Variants in MARCHF6 observed in about 807,000 individuals in gnomAD.
The protein encoded by MARCHF6 is E3 ubiquitin-protein ligase MARCHF6.
A neutral mutation model predicts 133.7 loss-of-function variants in MARCHF6; 31 were observed. That is an observed-to-expected ratio of 0.23 (90% CI 0.17 to 0.31). The LOEUF (loss-of-function observed/expected upper bound fraction) is 0.31, where lower values mean the gene tolerates loss of function less well. Ranked by LOEUF, MARCHF6 falls within the 10% of genes least tolerant of loss-of-function variation. The pLI, the probability that MARCHF6 is intolerant of heterozygous loss-of-function variation, is 1.00. For synonymous variants in MARCHF6, 395 were observed against 402.5 expected, an observed-to-expected ratio of 0.98 and a Z score of 0.22; for missense variants, 723 against 1,121.6, an observed-to-expected ratio of 0.64 and a Z score of 5.08.
intron 1 of MARCHF6, among the ~76,000 whole-genome samples, chr5:10,362,968 C>G (rs1735917084): frequency 6.6e-6 from 1 of 151,872 alleles, no homozygotes; most frequent in Non-Finnish European, 1.5e-5. Context: ...ACAAATGGCA[C>G]TGGAATAGTT....
chr5:10,421,428 G>C (rs981189687), intron 22 of MARCHF6, among the ~76,000 whole-genome samples: 1 of 152,202 alleles, frequency 6.6e-6, no homozygotes, highest in Non-Finnish European at 1.5e-5. Flanking sequence ...AATGTGCAGC[G>C]TGCTATCCTT....
intron 1 of MARCHF6, among the ~76,000 whole-genome samples, chr5:10,354,387 C>A (rs76259108): frequency 6.6e-6 from 1 of 152,178 alleles, no homozygotes; most frequent in East Asian, 1.9e-4. Flanking sequence ...AAATACCCCG[C>A]CAGATGACGG....
At chr5:10,355,062 G>A (rs542129533) in intron 1 of MARCHF6, among the ~76,000 whole-genome samples, 1 of 152,280 alleles carries the variant, frequency 6.6e-6, no homozygotes, top group South Asian at 2.1e-4. Flanking sequence ...ATCTTTTATA[G>A]ATGTGGAAAT....
intron 1 of MARCHF6, among the ~76,000 whole-genome samples, chr5:10,357,572 G>T (rs1444910834): frequency 6.6e-6 from 1 of 152,128 alleles, no homozygotes; most frequent in Non-Finnish European, 1.5e-5. Context: ...TGGAAGAAAT[G>T]AGTTAAAAGG....
intron 7 of MARCHF6, 70 bp from the exon 8 acceptor site, chr5:10,394,012 T>G: frequency 2.2e-6 from 2 of 890,752 alleles, no homozygotes; most frequent in Non-Finnish European, 3.3e-6. Context: ...CTATTTTTAG[T>G]GCATTCTATT....
intron 6 of MARCHF6, 54 bp downstream of exon 6, chr5:10,390,554 GTTT>G: frequency 1.3e-6 from 2 of 1,502,362 alleles, no homozygotes; most frequent in South Asian, 1.2e-5. Flanking sequence ...GAGAATTATT[GTTT>G]CTCTCTGAGA....
intron 4 of MARCHF6, among the ~76,000 whole-genome samples, chr5:10,383,407 C>T (rs1406000736): frequency 1.3e-5 from 2 of 152,124 alleles, no homozygotes; most frequent in East Asian, 1.9e-4. Flanking sequence ...TGAACCTAGA[C>T]ATATTCTCAA....
intron 21 of MARCHF6, among the ~76,000 whole-genome samples, chr5:10,416,296 T>A (rs1739510633): frequency 6.6e-6 from 1 of 152,228 alleles, no homozygotes; most frequent in South Asian, 2.1e-4. Context: ...ACCTTTTCAT[T>A]TGTATAATCA....
intron 25 of MARCHF6, among the ~76,000 whole-genome samples, chr5:10,431,712 G>A (rs1019465659): frequency 7.2e-5 from 11 of 152,014 alleles, no homozygotes; most frequent in Admixed American, 4.6e-4. Context: ...GTGGAAGAGA[G>A]GGAGTTGGGT....
rs1386548332 is a variant in MARCHF6, at chr5:10,405,569, T to C, written c.1344T>C (p.Pro448=). 6.3e-7 allele frequency: 1 copy of C among 1,598,502 alleles called. No homozygotes were observed. The highest frequency in any genetic ancestry group is 2.2e-5 in the East Asian group (1 of 44,602). Residue 448 remains proline (P), a synonymous_variant, in exon 16 of 26, where the codon CCT becomes CCC. Transcript: ENST00000274140. ...AAATATATTTGCAGGTACTTCGACC[T>C]GGTGTCCTGTGGTTTCTAAGGAATT... ...FILLLREVLR[P]GVLWFLRNLN... is the part of the protein sequence containing the mutation.
intron 24 of MARCHF6, among the ~76,000 whole-genome samples, chr5:10,428,598 GC>G (rs1740216240): frequency 6.6e-6 from 1 of 151,976 alleles, no homozygotes; most frequent in African/African-American, 2.4e-5. Context: ...CCCCTCGGCC[GC>G]CCAGAGTGCT....
intron 6 of MARCHF6, 89 bp from the exon 7 acceptor site, chr5:10,391,453 T>G (rs1268982685): frequency 1.4e-5 from 8 of 551,752 alleles, no homozygotes; most frequent in Admixed American, 4.3e-5. Flanking sequence ...TTTTTTTTTT[T>G]TTTTTTTTTT....
chr5:10,391,464 T>TTTTTTG, intron 6 of MARCHF6, 78 bp from the exon 7 acceptor site: 3 of 431,754 alleles, frequency 6.9e-6, no homozygotes, highest in Admixed American at 5.1e-5. Flanking sequence ...TTTTTTTTTT[T>TTTTTTG]AGCAGGAATA....
intron 24 of MARCHF6, 84 bp from the exon 25 acceptor site, chr5:10,429,809 A>T: frequency 8.5e-7 from 1 of 1,174,992 alleles, no homozygotes; most frequent in South Asian, 1.4e-5. Context: ...GCCCCAGTCC[A>T]TTCTTCTAGG....
chr5:10,375,921 G>A (rs1736751205), intron 1 of MARCHF6, among the ~76,000 whole-genome samples: 1 of 152,174 alleles, frequency 6.6e-6, no homozygotes, highest in Non-Finnish European at 1.5e-5. Context: ...GGGCCTTGGA[G>A]AACTTTTGTG....
intron 22 of MARCHF6, 62 bp from the exon 23 acceptor site, chr5:10,423,671 CCT>C: frequency 9.6e-7 from 1 of 1,042,190 alleles, no homozygotes; most frequent in Admixed American, 2.0e-5. Context: ...AATTATACAG[CCT>C]CTCTGCTGTG....
At chr5:10,390,762 C>G (rs535821032) in intron 6 of MARCHF6, among the ~76,000 whole-genome samples, 2 of 152,224 alleles carry the variant, frequency 1.3e-5, no homozygotes, top group African/African-American at 4.8e-5. Flanking sequence ...CACAGTCTTA[C>G]CCACTGAGCA....
chr5:10,389,505 C>A (rs191645212), intron 5 of MARCHF6, among the ~76,000 whole-genome samples: 1 of 152,056 alleles, frequency 6.6e-6, no homozygotes, highest in South Asian at 2.1e-4. Flanking sequence ...TGGGTTCAAG[C>A]GATTATCCTG....
At chr5:10,418,569 G>A (rs1214960222) in intron 22 of MARCHF6, among the ~76,000 whole-genome samples, 1 of 152,168 alleles carries the variant, frequency 6.6e-6, no homozygotes. Flanking sequence ...ATTGACTTCA[G>A]TCATTCAAAG....
Sources: gnomAD v4.1 joint callset for allele counts (sites outside exome capture counted in the v4.1 genomes callset) on GRCh38, gnomAD v4.1.1 for gene constraint, MANE v1.5 for transcripts, NCBI Gene and HGNC (gene_info 2026-07-23, HGNC 2026-07-21) for gene names.